Variants in B3GAT2 observed in about 807,000 individuals in gnomAD.
B3GAT2 encodes galactosylgalactosylxylosylprotein 3-beta-glucuronosyltransferase 2.
A neutral mutation model predicts 27.8 loss-of-function variants in B3GAT2; 26 were observed. The observed-to-expected ratio is 0.93, with a 90% CI of 0.68 to 1.30. B3GAT2 has a LOEUF of 1.30. B3GAT2 is among the 50% of genes most tolerant of loss of function. B3GAT2 has a pLI of 0.00. For missense variants in B3GAT2, 458 were observed against 459.0 expected, an observed-to-expected ratio of 1.00 and a Z score of 0.02; for synonymous variants, 218 against 195.1, an observed-to-expected ratio of 1.12 and a Z score of -0.98.
At chr6:70,935,222 G>A (rs959333970) in intron 1 of B3GAT2, among the ~76,000 whole-genome samples, 1 of 152,062 alleles carries the variant, frequency 6.6e-6, no homozygotes, top group African/African-American at 2.4e-5. Context: ...GAGGCGGTAG[G>A]ACTGCTTGAA....
intron 2 of B3GAT2, among the ~76,000 whole-genome samples, chr6:70,876,956 G>A (rs544969929): frequency 6.6e-6 from 1 of 152,336 alleles, no homozygotes; most frequent in East Asian, 1.9e-4. Flanking sequence ...GGACTTTGAA[G>A]CATCCATGTA....
At chr6:70,865,103 A>G (rs1276826333) in intron 2 of B3GAT2, among the ~76,000 whole-genome samples, 1 of 152,198 alleles carries the variant, frequency 6.6e-6, no homozygotes, top group East Asian at 1.9e-4. Flanking sequence ...TAAAACAAAA[A>G]AATGACAATA....
chr6:70,939,930 T>C (rs1201932645), intron 1 of B3GAT2, among the ~76,000 whole-genome samples: 1 of 151,962 alleles, frequency 6.6e-6, no homozygotes, highest in Non-Finnish European at 1.5e-5. Flanking sequence ...AATGTAGATG[T>C]CAATTAAAAA....
Position 70,857,169 on chromosome 6 carries a change from C to T in B3GAT2, c.*4494G>A. 1 of 787,118 alleles carries T rather than the reference C, an allele frequency of 1.3e-6. No homozygotes were observed. Among genetic ancestry groups the T allele is most frequent in the Non-Finnish European group, 1.8e-6 (1 of 549,728 alleles). 48.8% of individuals were successfully genotyped at this position (787,118 alleles called of 1,614,324 possible). ...TGTTGCAGTTTATACAACTATGAAG[C>T]CGAAATGAATGAGCATTAGAATTAA... On this transcript the variant is annotated 3_prime_UTR_variant, in exon 4 of 4. Coordinates refer to ENST00000230053, the MANE Select transcript of B3GAT2 (RefSeq NM_080742.3).
chr6:70,916,375 T>G (rs1209481068), intron 1 of B3GAT2, among the ~76,000 whole-genome samples: 2 of 152,222 alleles, frequency 1.3e-5, no homozygotes, highest in Admixed American at 6.5e-5. Context: ...CTTTTCCTAA[T>G]TGAATACCAT....
intron 1 of B3GAT2, among the ~76,000 whole-genome samples, chr6:70,904,812 T>C (rs567904465): frequency 2.0e-5 from 3 of 152,256 alleles, no homozygotes; most frequent in African/African-American, 4.8e-5. Context: ...AATATTCTCA[T>C]TGTCTCAAGG....
At chr6:70,881,577 C>A (rs987584886) in intron 2 of B3GAT2, among the ~76,000 whole-genome samples, 3 of 152,148 alleles carry the variant, frequency 2.0e-5, no homozygotes, top group African/African-American at 7.2e-5. Flanking sequence ...TCAGAGGCGG[C>A]TTCACCAGTG....
intron 1 of B3GAT2, among the ~76,000 whole-genome samples, chr6:70,902,617 GATATAT>G (rs61150776): frequency 8.0e-6 from 1 of 125,256 alleles, no homozygotes; most frequent in Non-Finnish European, 1.6e-5. Context: ...AAGAAAATGG[GATATAT>G]ATATATATAT....
chr6:70,940,358 G>C (rs1315792041), intron 1 of B3GAT2, among the ~76,000 whole-genome samples: 1 of 152,126 alleles, frequency 6.6e-6, no homozygotes, highest in Non-Finnish European at 1.5e-5. Flanking sequence ...GCAAGGCTGG[G>C]AGAAGGGTGG....
chr6:70,920,731 G>C (rs909835976), intron 1 of B3GAT2, among the ~76,000 whole-genome samples: 1 of 152,186 alleles, frequency 6.6e-6, no homozygotes, highest in African/African-American at 2.4e-5. Context: ...ATAGTGTTCA[G>C]AGGTCTAGTC....
chr6:70,910,374 T>G (rs1339462731), intron 1 of B3GAT2, among the ~76,000 whole-genome samples: 1 of 152,172 alleles, frequency 6.6e-6, no homozygotes, highest in African/African-American at 2.4e-5. Context: ...CTTCTTTGTA[T>G]CCATGTGTTC....
intron 1 of B3GAT2, among the ~76,000 whole-genome samples, chr6:70,925,801 C>T (rs993148888): frequency 6.6e-6 from 1 of 152,234 alleles, no homozygotes; most frequent in African/African-American, 2.4e-5. Context: ...AGCAGTGGTC[C>T]TCCCAGCACA....
intron 1 of B3GAT2, among the ~76,000 whole-genome samples, chr6:70,903,315 CTTAAACACGACATAA>C (rs1772539883): frequency 6.6e-6 from 1 of 151,880 alleles, no homozygotes; most frequent in Admixed American, 6.6e-5. Context: ...GCAAAACTTC[CTTAAACACGACATAA>C]ATAATAGGAA....
chr6:70,931,019 T>C (rs1773053739), intron 1 of B3GAT2, among the ~76,000 whole-genome samples: 1 of 152,072 alleles, frequency 6.6e-6, no homozygotes, highest in South Asian at 2.1e-4. Context: ...AAAGAGTGAG[T>C]TCATGTCCTT....
Position 70,858,429 on chromosome 6 carries a change from T to A in B3GAT2, c.*3234A>T, listed in dbSNP as rs1339223375. ...TAGACAAATGATGTGTTATTATCGC[T>A]ATTTTAGAGTATTCTGTAAAAAAAA... On this transcript the variant is annotated 3_prime_UTR_variant, in exon 4 of 4. Coordinates refer to ENST00000230053, the MANE Select transcript of B3GAT2 (RefSeq NM_080742.3). 4 of 465,810 alleles carry A rather than the reference T, an allele frequency of 8.6e-6. No individual in the cohort carries two copies. In the East Asian group the frequency reaches 1.5e-4, roughly 17 times the overall value. 28.9% of individuals were successfully genotyped at this position (465,810 alleles called of 1,614,324 possible). A position where few individuals can be genotyped will look rare whatever the true frequency, so the allele number is the denominator to read the frequency against.
chr6:70,921,465 C>A (rs1367494519), intron 1 of B3GAT2, among the ~76,000 whole-genome samples: 1 of 152,110 alleles, frequency 6.6e-6, no homozygotes, highest in Non-Finnish European at 1.5e-5. Flanking sequence ...CAGTTTGGTT[C>A]TTTCTTAAAA....
intron 1 of B3GAT2, among the ~76,000 whole-genome samples, chr6:70,917,542 A>G (rs1772794164): frequency 6.6e-6 from 1 of 152,172 alleles, no homozygotes; most frequent in Non-Finnish European, 1.5e-5. Context: ...TTAGTGCTGT[A>G]AATTTCTCTC....
chr6:70,926,605 GTGAGAAGAGAAGT>G (rs1274902234), intron 1 of B3GAT2, among the ~76,000 whole-genome samples: 1 of 152,212 alleles, frequency 6.6e-6, no homozygotes, highest in Non-Finnish European at 1.5e-5. Context: ...ATGAAATGAA[GTGAGAAGAGAAGT>G]TTAGAGACAA....
intron 2 of B3GAT2, among the ~76,000 whole-genome samples, chr6:70,880,814 C>T (rs574410223): frequency 2.6e-5 from 4 of 152,136 alleles, no homozygotes; most frequent in African/African-American, 9.6e-5. Context: ...CACAGGCGTG[C>T]ACCACCATGC....
Sources: allele counts gnomAD v4.1 joint callset (sites outside exome capture counted in the v4.1 genomes callset), GRCh38; gene constraint gnomAD v4.1.1; transcripts MANE v1.5; gene names NCBI Gene and HGNC (gene_info 2026-07-23, HGNC 2026-07-21).